PPP2R5C: variants seen among roughly 807,000 people sequenced by gnomAD.
PPP2R5C encodes the protein protein phosphatase 2 regulatory subunit B'gamma.
In PPP2R5C, 7 loss-of-function variants were observed where a neutral mutation model predicts 68.9. That is an observed-to-expected ratio of 0.10 (90% CI 0.06 to 0.19). The LOEUF (loss-of-function observed/expected upper bound fraction) is 0.19, where lower values mean the gene tolerates loss of function less well. Among genes scored for constraint, PPP2R5C ranks in the 10% least tolerant of loss-of-function variants. PPP2R5C has a pLI of 1.00. For synonymous variants in PPP2R5C, 210 were observed against 222.2 expected, an observed-to-expected ratio of 0.95 and a Z score of 0.49; for missense variants, 348 against 641.3, an observed-to-expected ratio of 0.54 and a Z score of 4.94.
intron 2 of PPP2R5C, among the ~76,000 whole-genome samples, chr14:101,862,193 G>A (rs2042786767): frequency 6.6e-6 from 1 of 152,156 alleles, no homozygotes; most frequent in South Asian, 2.1e-4. Flanking sequence ...TGGGATTATA[G>A]GCATGAACTA....
At position 101,877,057 on chromosome 14, in the gene PPP2R5C, TC is replaced by T. The variant is rs2043830858; in HGVS notation, c.295-5102del. Among the ~76,000 whole-genome samples the T allele has an allele frequency of 6.8e-6, 1 of 147,946 alleles. No individual in the cohort carries two copies. The highest frequency in any genetic ancestry group is 2.5e-5 in the African/African-American group (1 of 39,882). ...TCCACCTCCCAGATTCAAGTGATTC[TC>T]CTGCCTCAGCCTCCCGAGTAGCTGG... On this transcript the variant is annotated intron_variant, in intron 2 of 13. Transcript: ENST00000334743. This position sits in a 1 kb window ranked among gnomAD's most constrained non-coding sequence, Gnocchi z 4.2.
chr14:101,862,686 G>A (rs1417526601), intron 2 of PPP2R5C, among the ~76,000 whole-genome samples: 1 of 152,088 alleles, frequency 6.6e-6, no homozygotes, highest in African/African-American at 2.4e-5. Flanking sequence ...TGATAATCTA[G>A]CATTTTTCTA....
At position 101,925,540 on chromosome 14, in the gene PPP2R5C, A is replaced by G. The variant is rs555254604; in HGVS notation, c.*268A>G. 4.0e-4 allele frequency: 135 copies of G among 340,444 alleles called. 1 individual carries two copies. The Middle Eastern group carries it at 4.2e-3, about 11-fold the overall frequency. 21.1% of individuals were successfully genotyped at this position (340,444 alleles called of 1,614,324 possible). On this transcript the variant is annotated 3_prime_UTR_variant, in exon 14 of 14. Coordinates refer to ENST00000334743, the Ensembl canonical transcript of PPP2R5C. ...CGTAGTCCAAGTCAGACTATTTCACAAAGTCAGAGCGATAGGAAAGCACCC... is the reference window on the plus strand; with the variant it reads ...CGTAGTCCAAGTCAGACTATTTCACGAAGTCAGAGCGATAGGAAAGCACCC...
At chr14:101,903,020 T>G (rs995184279) in intron 9 of PPP2R5C, among the ~76,000 whole-genome samples, 14 of 151,510 alleles carry the variant, frequency 9.2e-5, no homozygotes, top group South Asian at 4.2e-4. Context: ...TTTGGGTTTT[T>G]TTTTTTTTTT....
At chr14:101,880,899 C>CT (rs1187939903) in intron 2 of PPP2R5C, among the ~76,000 whole-genome samples, 7 of 152,172 alleles carry the variant, frequency 4.6e-5, no homozygotes, top group African/African-American at 1.7e-4. Context: ...GCCCTGGACT[C>CT]TCTAGAAACA....
At chr14:101,809,898 G>C (rs3101803) in exon 1 of PPP2R5C, 2 of 1,592,888 alleles carry the variant, frequency 1.3e-6, no homozygotes, top group Middle Eastern at 1.7e-4. Context: ...ATGGAGGCTG[G>C]TTTCTTGCCT....
In PPP2R5C at chr14:101,877,099, C is replaced by A. The variant is rs995040865; in HGVS notation, c.295-5062C>A. On this transcript the variant is annotated intron_variant, in intron 2 of 13. Transcript: ENST00000334743. This position sits in a 1 kb window ranked among gnomAD's most constrained non-coding sequence, Gnocchi z 4.2. ...GAGTAGCTGGGATTACAGGCACCCACCACCACACCCAGCTAAGTTTTGTAT... is the reference window on the plus strand; with the variant it reads ...GAGTAGCTGGGATTACAGGCACCCAACACCACACCCAGCTAAGTTTTGTAT... Among the ~76,000 whole-genome samples the A allele has an allele frequency of 6.6e-6, 1 of 151,946 alleles. No individual in the cohort carries two copies. The highest frequency in any genetic ancestry group is 1.5e-5 in the Non-Finnish European group (1 of 67,970).
chr14:101,906,661 C>T lies in PPP2R5C; in HGVS notation c.1151+132C>T. 1 of 1,235,718 alleles carries T rather than the reference C, an allele frequency of 8.1e-7. No homozygotes were observed. Among genetic ancestry groups the T allele is most frequent in the Non-Finnish European group, 1.1e-6 (1 of 902,030 alleles). The allele number at this position is 1,235,718 out of a possible 1,614,324, so 76.5% of individuals were successfully genotyped here. A position where few individuals can be genotyped will look rare whatever the true frequency, so the allele number is the denominator to read the frequency against. ...ACAAGAAGGTCAGTTGCTTTGTGGA[C>T]TCATAAATTAAGTAGCAGCGTGGGT... On this transcript the variant is annotated intron_variant, in intron 10 of 13. Coordinates refer to ENST00000334743, the Ensembl canonical transcript of PPP2R5C. This position sits in a 1 kb window ranked among gnomAD's most constrained non-coding sequence, Gnocchi z 4.0.
rs75928674 is a variant in PPP2R5C at position 101,815,273 on chromosome 14, A to C, written c.94+5237A>C. Among the ~76,000 whole-genome samples, 953 of 152,314 alleles carry C rather than the reference A, an allele frequency of 6.3e-3. 9 individuals are homozygous for C. Among genetic ancestry groups the C allele is most frequent in the African/African-American group, 0.022 (904 of 41,572 alleles). On this transcript the variant is annotated intron_variant, in intron 1 of 13. Transcript: ENST00000334743. ...AAAGCTCATGTTCTTTGCTCTGCAGACATCAGAGTGTTGAGAGATGCTGGT... is the reference window on the plus strand; with the variant it reads ...AAAGCTCATGTTCTTTGCTCTGCAGCCATCAGAGTGTTGAGAGATGCTGGT...
chr14:101,924,914 C>T (rs1258014092), intron 13 of PPP2R5C, among the ~76,000 whole-genome samples: 7 of 152,138 alleles, frequency 4.6e-5, no homozygotes, highest in African/African-American at 1.7e-4. Flanking sequence ...ACCAGAATGC[C>T]AGTATTGAAC....
chr14:101,855,174 A>G (rs2042350906), intron 1 of PPP2R5C, among the ~76,000 whole-genome samples: 1 of 152,228 alleles, frequency 6.6e-6, no homozygotes, highest in African/African-American at 2.4e-5. Context: ...TGTCTCTAAA[A>G]GAAAGAAAGA....
chr14:101,768,580 G>A (rs1034663008), intron 2 of PPP2R5C, among the ~76,000 whole-genome samples: 17 of 151,856 alleles, frequency 1.1e-4, no homozygotes, highest in Admixed American at 2.0e-4. Context: ...TTTAACGTCC[G>A]GCTCCATCGA....
Position 101,917,739 on chromosome 14 carries a change from G to A in PPP2R5C, c.1327-92G>A, listed in dbSNP as rs1384493700. 1.3e-5 allele frequency: 20 copies of A among 1,548,438 alleles called. No homozygotes were observed. Among genetic ancestry groups the A allele is most frequent in the Non-Finnish European group, 1.8e-5 (20 of 1,139,502 alleles). ...TTCCTGCGGGAGAGGGCCCTGGGGG[G>A]CGGCAGGGGAGATGAGTCCCTAGCC... On this transcript the variant is annotated intron_variant, in intron 12 of 13. Transcript: ENST00000334743. This position sits in a 1 kb window ranked among gnomAD's most constrained non-coding sequence, Gnocchi z 4.4.
chr14:101,862,238 T>C (rs986582156), intron 2 of PPP2R5C, among the ~76,000 whole-genome samples: 1 of 152,022 alleles, frequency 6.6e-6, no homozygotes, highest in African/African-American at 2.4e-5. Context: ...TTTTGGAAAA[T>C]TTGTATGCAC....
At position 101,896,652 on chromosome 14, in the gene PPP2R5C, A is replaced by T. The variant is rs553794123; in HGVS notation, c.852+2092A>T. ...CCCTGTCTCCAAAAAAAAAAAAAAA[A>T]AAAGTGTATATCTTCTTTGCAGAAA... On this transcript the variant is annotated intron_variant, in intron 8 of 13. Transcript: ENST00000334743. Among the ~76,000 whole-genome samples, 733 of 151,712 alleles carry T rather than the reference A, an allele frequency of 4.8e-3. 9 individuals are homozygous for T. Among genetic ancestry groups the T allele is most frequent in the African/African-American group, 0.017 (699 of 41,400 alleles).
intron 2 of PPP2R5C, among the ~76,000 whole-genome samples, chr14:101,863,370 G>A (rs1438454664): frequency 6.6e-6 from 1 of 151,704 alleles, no homozygotes; most frequent in African/African-American, 2.4e-5. Flanking sequence ...CTGGCCTCTA[G>A]TAATAATCCT....
intron 1 of PPP2R5C, among the ~76,000 whole-genome samples, chr14:101,826,928 TC>T (rs2040432999): frequency 6.6e-6 from 1 of 152,066 alleles, no homozygotes; most frequent in African/African-American, 2.4e-5. Flanking sequence ...AATTTAGTAT[TC>T]TGTTTCATGA....
In PPP2R5C at chr14:101,825,211, C is replaced by CATGTGT. The variant is rs1490529678; in HGVS notation, c.94+15175_94+15176insATGTGT. On this transcript the variant is annotated intron_variant, in intron 1 of 13. Transcript: ENST00000334743. This position sits in a 1 kb window ranked among gnomAD's most constrained non-coding sequence, Gnocchi z 4.0. ...AGGGATAGGATAAGAGGGTTTTCAG[C>CATGTGT]GTGTGTGTGTGTGTGTGTGTGTGTG... is the stretch of plus-strand genomic sequence containing the variant. Among the ~76,000 whole-genome samples, 4 of 143,004 alleles carry CATGTGT rather than the reference C, an allele frequency of 2.8e-5. No individual in the cohort carries two copies. Among genetic ancestry groups the CATGTGT allele is most frequent in the African/African-American group, 5.2e-5 (2 of 38,436 alleles). The allele number at this position is 143,004 out of a possible 152,430, so 93.8% of individuals were successfully genotyped here.
intron 3 of PPP2R5C, among the ~76,000 whole-genome samples, chr14:101,804,301 G>C (rs994087282): frequency 6.6e-6 from 1 of 152,172 alleles, no homozygotes; most frequent in Non-Finnish European, 1.5e-5. Context: ...CCACTATAAA[G>C]AACAGTTTGG....
Sources: gnomAD v4.1 joint callset for allele counts (sites outside exome capture counted in the v4.1 genomes callset) on GRCh38, gnomAD v4.1.1 for gene constraint, Gnocchi (gnomAD v3.1) non-coding constraint, MANE v1.5 for transcripts, NCBI Gene and HGNC (gene_info 2026-07-23, HGNC 2026-07-21) for gene names.